NKAIN2: variants seen among roughly 807,000 people sequenced by gnomAD.
NKAIN2 encodes sodium/potassium transporting ATPase interacting 2.
In NKAIN2, 14 loss-of-function variants were observed where a neutral mutation model predicts 32.6. The observed-to-expected ratio is 0.43, with a 90% CI of 0.28 to 0.67. The LOEUF is 0.67. Among genes scored for constraint, NKAIN2 ranks in the 30% least tolerant of loss-of-function variants. NKAIN2 has a pLI of 0.17. For synonymous variants in NKAIN2, 80 were observed against 87.2 expected (o/e 0.92, Z 0.46); for missense variants, 198 against 258.3 (o/e 0.77, Z 1.60).
At position 124,783,058 on chromosome 6, in the gene NKAIN2, A is replaced by G. The variant is rs745390834; in HGVS notation, c.475-8281A>G. Among the ~76,000 whole-genome samples, 3 of 152,250 alleles carry G rather than the reference A, an allele frequency of 2.0e-5. No individual in the cohort carries two copies. In the South Asian group the frequency reaches 6.2e-4, roughly 32 times the overall value. ...TCTTTGATCATCTCCCAACCGGCAC[A>G]TGTATGGAATGGTTGAACTACTGCT... On this transcript the variant is annotated intron_variant, in intron 4 of 6. Transcript: ENST00000368417.
rs534703183 is a variant in NKAIN2, at chr6:123,818,638, T to C, written c.54+14384T>C. On this transcript the variant is annotated intron_variant, in intron 1 of 6. Coordinates refer to ENST00000368417, the MANE Select transcript of NKAIN2 (RefSeq NM_001040214.3). ...GATTTCCTTCGGTAACACTTTTTGGTGGACTCTAATTTGCATGCCTGGAGA... is the reference window on the plus strand; with the variant it reads ...GATTTCCTTCGGTAACACTTTTTGGCGGACTCTAATTTGCATGCCTGGAGA... Among the ~76,000 whole-genome samples, 6 of 152,284 alleles carry C rather than the reference T, an allele frequency of 3.9e-5. No homozygotes were observed. In the East Asian group the frequency reaches 1.2e-3, roughly 29 times the overall value.
intron 3 of NKAIN2, among the ~76,000 whole-genome samples, chr6:124,432,293 A>C (rs1011025416): frequency 6.6e-6 from 1 of 152,188 alleles, no homozygotes; most frequent in Non-Finnish European, 1.5e-5. Context: ...CAGGCAGGCA[A>C]CATGGGCTTG....
intron 1 of NKAIN2, among the ~76,000 whole-genome samples, chr6:123,805,005 C>CT (rs1431451863): frequency 6.6e-6 from 1 of 152,058 alleles, no homozygotes; most frequent in Non-Finnish European, 1.5e-5. Context: ...ATTCTATGTA[C>CT]TTTTTGAGGA....
chr6:123,930,276 T>C (rs952812880), intron 1 of NKAIN2, among the ~76,000 whole-genome samples: 1 of 152,196 alleles, frequency 6.6e-6, no homozygotes, highest in Non-Finnish European at 1.5e-5. Flanking sequence ...TAGAGTTGTT[T>C]GTACATTTTA....
At chr6:123,956,506 G>T (rs1777600121) in intron 1 of NKAIN2, among the ~76,000 whole-genome samples, 1 of 152,160 alleles carries the variant, frequency 6.6e-6, no homozygotes, top group Non-Finnish European at 1.5e-5. Flanking sequence ...TCTGCAAGCT[G>T]AGGAGGGAGG....
intron 3 of NKAIN2, among the ~76,000 whole-genome samples, chr6:124,584,695 C>T (rs1405323312): frequency 6.7e-6 from 1 of 149,114 alleles, no homozygotes; most frequent in African/African-American, 2.5e-5. Context: ...GGTAAACAGG[C>T]ATATGAAAAG....
At chr6:124,233,525 G>A (rs1792571685) in intron 1 of NKAIN2, among the ~76,000 whole-genome samples, 1 of 152,148 alleles carries the variant, frequency 6.6e-6, no homozygotes, top group South Asian at 2.1e-4. Context: ...GAAGGGAGCT[G>A]GGATTATGCT....
chr6:124,706,622 G>C (rs1235214184), intron 4 of NKAIN2, among the ~76,000 whole-genome samples: 1 of 152,070 alleles, frequency 6.6e-6, no homozygotes, highest in Non-Finnish European at 1.5e-5. Context: ...CTGAATCCAG[G>C]AATAAAAGAT....
At chr6:124,625,728 A>AT (rs200831571) in intron 3 of NKAIN2, among the ~76,000 whole-genome samples, 7 of 127,652 alleles carry the variant, frequency 5.5e-5, no homozygotes, top group African/African-American at 1.8e-4. Context: ...TTATTTATTT[A>AT]TTTTTTGGTC....
At chr6:124,183,445 G>A (rs1789552282) in intron 1 of NKAIN2, among the ~76,000 whole-genome samples, 2 of 151,966 alleles carry the variant, frequency 1.3e-5, no homozygotes. Flanking sequence ...TATAGTCTCT[G>A]TATTGAGCAT....
intron 1 of NKAIN2, among the ~76,000 whole-genome samples, chr6:123,946,906 G>A (rs1179920226): frequency 2.0e-5 from 3 of 152,182 alleles, no homozygotes; most frequent in South Asian, 2.1e-4. Context: ...CAAAGCCATT[G>A]ATTGGCAGTC....
intron 1 of NKAIN2, among the ~76,000 whole-genome samples, chr6:124,183,683 C>T (rs1016647359): frequency 1.3e-5 from 2 of 152,054 alleles, no homozygotes; most frequent in African/African-American, 4.8e-5. Context: ...CATTTTATAT[C>T]CCTCCTAATA....
At chr6:124,153,523 A>C (rs1787836263) in intron 1 of NKAIN2, among the ~76,000 whole-genome samples, 1 of 151,756 alleles carries the variant, frequency 6.6e-6, no homozygotes, top group Non-Finnish European at 1.5e-5. Flanking sequence ...TACTTATTAA[A>C]TCTTCTTTCA....
intron 5 of NKAIN2, chr6:124,804,456 G>A: frequency 2.1e-6 from 2 of 942,212 alleles, no homozygotes; most frequent in Non-Finnish European, 2.5e-6. Context: ...CACTTTCATT[G>A]TTTAGCACGT....
chr6:124,408,972 GT>G (rs1774009686), intron 3 of NKAIN2, among the ~76,000 whole-genome samples: 2 of 152,146 alleles, frequency 1.3e-5, no homozygotes, highest in African/African-American at 4.8e-5. Flanking sequence ...GTGAATGGGA[GT>G]TCACTCATGA....
intron 3 of NKAIN2, among the ~76,000 whole-genome samples, chr6:124,638,887 C>CAAA (rs35802663): frequency 0.14 from 11,772 of 82,204 alleles, 1,754 homozygotes; most frequent in African/African-American, 0.19. Flanking sequence ...GAGACTCTGT[C>CAAA]AAAAAAAAAA....
chr6:124,020,719 G>A (rs1021148016), intron 1 of NKAIN2, among the ~76,000 whole-genome samples: 2 of 152,014 alleles, frequency 1.3e-5, no homozygotes, highest in Admixed American at 1.3e-4. Context: ...TAAGGAAGCT[G>A]ATACTTGATA....
In NKAIN2 at chr6:124,093,825, A is replaced by C. The variant is rs73563131; in HGVS notation, c.55-189180A>C. ...CAGCCTGATTTCCACCACACTACCTAGGGCATCTCATGGAGCACATCAAGA... is the reference window on the plus strand; with the variant it reads ...CAGCCTGATTTCCACCACACTACCTCGGGCATCTCATGGAGCACATCAAGA... On this transcript the variant is annotated intron_variant, in intron 1 of 6. Transcript: ENST00000368417. 9.8e-3 allele frequency among the ~76,000 whole-genome samples: 1,497 copies of C among 152,252 alleles called. 20 individuals carry two copies. The highest frequency in any genetic ancestry group is 0.034 in the African/African-American group (1,428 of 41,554).
chr6:124,802,792 T>C (rs766995904), intron 5 of NKAIN2, among the ~76,000 whole-genome samples: 1 of 152,194 alleles, frequency 6.6e-6, no homozygotes, highest in African/African-American at 2.4e-5. Context: ...GGAAAAAGTT[T>C]TCTTCACCCT....
Sources: allele counts gnomAD v4.1 joint callset (sites outside exome capture counted in the v4.1 genomes callset), GRCh38; gene constraint gnomAD v4.1.1; transcripts MANE v1.5; gene names NCBI Gene and HGNC (gene_info 2026-07-23, HGNC 2026-07-21).